Variants in BICDL1 observed in about 807,000 individuals in gnomAD.
BICDL1 encodes BICD family like cargo adaptor 1.
A neutral mutation model predicts 76.8 loss-of-function variants in BICDL1; 20 were observed. The observed-to-expected ratio is 0.26, with a 90% CI of 0.18 to 0.38. BICDL1 has a LOEUF of 0.38. BICDL1 is among the 10% of genes least tolerant of loss of function. The pLI is 1.00. For synonymous variants in BICDL1, 383 were observed against 337.1 expected (o/e 1.14, Z -1.49); for missense variants, 700 against 798.6 (o/e 0.88, Z 1.49).
At position 120,074,660 on chromosome 12, in the gene BICDL1, TTCTC is replaced by T. The variant is rs909493606; in HGVS notation, c.1452+79_1452+82del. 9 of 991,632 alleles carry T rather than the reference TTCTC, an allele frequency of 9.1e-6. No individual in the cohort carries two copies. The South Asian group carries it at 2.2e-4, about 25-fold the overall frequency. The allele number at this position is 991,632 out of a possible 1,614,324, so 61.4% of individuals were successfully genotyped here. ...TGGCTCTCTTGGGACCCTTTTGAGT[TTCTC>T]TCTCCCATTTCTGTGTGAGAAGTGG... On this transcript the variant is annotated intron_variant, in intron 7 of 9. Transcript: ENST00000548673.
chr12:120,017,021 C>T (rs1952078345), intron 2 of BICDL1, among the ~76,000 whole-genome samples: 4 of 152,218 alleles, frequency 2.6e-5, no homozygotes, highest in South Asian at 2.1e-4. Flanking sequence ...CTCAGCCTCC[C>T]GAGTAGCTGG....
intron 2 of BICDL1, among the ~76,000 whole-genome samples, chr12:120,034,164 T>C (rs1354434219): frequency 6.6e-6 from 1 of 152,228 alleles, no homozygotes; most frequent in African/African-American, 2.4e-5. Flanking sequence ...TATAGACTAA[T>C]AGAAATGATA....
At chr12:120,031,931 T>TA (rs923119300) in intron 2 of BICDL1, among the ~76,000 whole-genome samples, 35 of 150,946 alleles carry the variant, frequency 2.3e-4, no homozygotes, top group Admixed American at 4.6e-4. Context: ...TCTCTACAAA[T>TA]AAAAAAAAAT....
rs560983009 is a variant in BICDL1, at chr12:120,056,216, C to G, written c.646-5494C>G. On this transcript the variant is annotated intron_variant, in intron 2 of 9. Coordinates refer to ENST00000548673, the MANE Select transcript of BICDL1 (RefSeq NM_001367886.1). ...TTTCTTTACTTTTTTTTACTCTGAA[C>G]AGTTGTAACTTTTATCATAGAAAGA... is the stretch of plus-strand genomic sequence containing the variant. Among the ~76,000 whole-genome samples the G allele has an allele frequency of 2.0e-5, 3 of 152,168 alleles. No individual in the cohort carries two copies. The East Asian group carries it at 5.8e-4, about 29-fold the overall frequency.
intron 2 of BICDL1, among the ~76,000 whole-genome samples, chr12:120,027,765 A>G (rs1018589156): frequency 6.6e-6 from 1 of 152,240 alleles, no homozygotes; most frequent in Non-Finnish European, 1.5e-5. Flanking sequence ...TGTAGTAAGC[A>G]TCCAAAATAT....
intron 2 of BICDL1, among the ~76,000 whole-genome samples, chr12:120,029,098 G>A (rs1364041210): frequency 2.0e-5 from 3 of 152,184 alleles, no homozygotes; most frequent in Admixed American, 6.5e-5. Context: ...GCAAAAGCAG[G>A]CCCTGAGCTG....
intron 7 of BICDL1, among the ~76,000 whole-genome samples, chr12:120,077,301 G>A (rs187433061): frequency 8.5e-5 from 13 of 152,322 alleles, no homozygotes; most frequent in African/African-American, 3.1e-4. Context: ...TTGTGCTTAA[G>A]GAACAAAGTC....
Position 119,989,783 on chromosome 12 carries a change from CG to C in BICDL1, c.-82del, listed in dbSNP as rs941898287. ...GCGGCGCGAGGCGAGGCGCGGGACG[CG>C]GGGCGGCGCGGCAGGGCCCCTCCCC... is the stretch of plus-strand genomic sequence containing the variant. On this transcript the variant is annotated 5_prime_UTR_variant, in exon 1 of 10. Coordinates refer to ENST00000548673, the MANE Select transcript of BICDL1 (RefSeq NM_001367886.1). 1.9e-6 allele frequency: 1 copy of C among 539,536 alleles called. No homozygotes were observed. Among genetic ancestry groups the C allele is most frequent in the African/African-American group, 2.1e-5 (1 of 46,854 alleles). The allele number at this position is 539,536 out of a possible 1,614,324, so 33.4% of individuals were successfully genotyped here.
intron 2 of BICDL1, among the ~76,000 whole-genome samples, chr12:120,043,840 T>A (rs73410818): frequency 0.026 from 3,989 of 152,328 alleles, 176 homozygotes; most frequent in African/African-American, 0.09. Context: ...GCCATGTACT[T>A]TATTAGGGAA....
At chr12:120,058,209 G>A (rs1345720259) in intron 2 of BICDL1, among the ~76,000 whole-genome samples, 2 of 152,192 alleles carry the variant, frequency 1.3e-5, no homozygotes, top group African/African-American at 4.8e-5. Flanking sequence ...ATATCCCTGG[G>A]CATAGTTGAG....
At chr12:119,998,383 C>A in intron 1 of BICDL1, 138 bp from the exon 2 acceptor site, 1 of 621,756 alleles carries the variant, frequency 1.6e-6, no homozygotes, top group South Asian at 3.0e-5. Context: ...GCTGTGAATT[C>A]GGCAACTTGT....
At chr12:120,054,284 AG>A (rs1240542261) in intron 2 of BICDL1, among the ~76,000 whole-genome samples, 2 of 151,976 alleles carry the variant, frequency 1.3e-5, no homozygotes, top group African/African-American at 4.8e-5. Context: ...CATGTTGGCC[AG>A]GGTGGTCTGG....
chr12:120,041,515 C>G (rs1437659177), intron 2 of BICDL1, among the ~76,000 whole-genome samples: 1 of 152,090 alleles, frequency 6.6e-6, no homozygotes, highest in Non-Finnish European at 1.5e-5. Flanking sequence ...CCTTTTGAAA[C>G]TTACATCAAG....
intron 1 of BICDL1, among the ~76,000 whole-genome samples, chr12:119,991,517 C>T (rs1055065395): frequency 6.6e-6 from 1 of 152,134 alleles, no homozygotes; most frequent in Non-Finnish European, 1.5e-5. Context: ...TCTGAAAAGT[C>T]GTTTGTGAAA....
intron 4 of BICDL1, among the ~76,000 whole-genome samples, chr12:120,067,190 C>T (rs2138924098): frequency 6.6e-6 from 1 of 152,352 alleles, no homozygotes; most frequent in Non-Finnish European, 1.5e-5. Flanking sequence ...CTAAGGGCCA[C>T]TTAACTGCCC....
intron 2 of BICDL1, among the ~76,000 whole-genome samples, chr12:120,021,915 A>C (rs1952191152): frequency 6.7e-6 from 1 of 149,044 alleles, no homozygotes; most frequent in South Asian, 2.1e-4. Context: ...AAATAAAATA[A>C]AATAAAATAA....
chr12:120,066,471 G>A (rs1308742527), intron 4 of BICDL1, among the ~76,000 whole-genome samples: 1 of 152,204 alleles, frequency 6.6e-6, no homozygotes, highest in Non-Finnish European at 1.5e-5. Context: ...GGGGGAAAGA[G>A]GCAGGACTAG....
At chr12:120,039,160 G>A (rs1952583321) in intron 2 of BICDL1, among the ~76,000 whole-genome samples, 1 of 151,714 alleles carries the variant, frequency 6.6e-6, no homozygotes, top group Non-Finnish European at 1.5e-5. Context: ...AGCCAGGCAT[G>A]GTGGCGGGTG....
At chr12:120,038,705 A>G (rs1343205531) in intron 2 of BICDL1, among the ~76,000 whole-genome samples, 1 of 152,236 alleles carries the variant, frequency 6.6e-6, no homozygotes, top group Non-Finnish European at 1.5e-5. Flanking sequence ...TGAGGAGTCC[A>G]TAGTTTAATG....
Sources: allele counts gnomAD v4.1 joint callset (sites outside exome capture counted in the v4.1 genomes callset), GRCh38; gene constraint gnomAD v4.1.1; transcripts MANE v1.5; gene names NCBI Gene and HGNC (gene_info 2026-07-23, HGNC 2026-07-21).